TNPO1: variants seen among roughly 807,000 people sequenced by gnomAD.
TNPO1 encodes the protein transportin-1.
A neutral mutation model predicts 119.5 loss-of-function variants in TNPO1; 8 were observed. The observed-to-expected ratio is 0.07, with a 90% confidence interval of 0.04 to 0.12. The LOEUF (loss-of-function observed/expected upper bound fraction) is 0.12, where lower values mean the gene tolerates loss of function less well. Among genes scored for constraint, TNPO1 ranks in the 10% least tolerant of loss-of-function variants. The pLI is 1.00. For missense variants in TNPO1, 576 were observed against 1,089.8 expected (o/e 0.53, Z 6.64); for synonymous variants, 362 against 363.0 (o/e 1.00, Z 0.03).
Position 72,889,909 on chromosome 5 carries a change from T to C in TNPO1, c.1653T>C (p.Asp551=). The change falls in exon 14 of 25, where the codon GAT becomes GAC. Residue 551 remains aspartate, a synonymous_variant. Transcript: ENST00000337273. ...YQHKNLLILY[D]AIGTLADSVG... ...ATAAGAACCTGCTCATTCTTTACGA[T>C]GCCATAGGAACATTAGCAGATTCAG... is the stretch of plus-strand genomic sequence containing the variant. The C allele has an allele frequency of 6.2e-7, 1 of 1,613,826 alleles. No individual in the cohort carries two copies. Among genetic ancestry groups the C allele is most frequent in the Non-Finnish European group, 8.5e-7 (1 of 1,179,898 alleles).
intron 1 of TNPO1, among the ~76,000 whole-genome samples, chr5:72,832,176 T>C (rs1404552544): frequency 6.6e-6 from 1 of 152,142 alleles, no homozygotes; most frequent in African/African-American, 2.4e-5. Flanking sequence ...TTATTTCTTA[T>C]AGGTCATACT....
intron 11 of TNPO1, among the ~76,000 whole-genome samples, chr5:72,885,747 T>G (rs1163571321): frequency 6.7e-6 from 1 of 149,572 alleles, no homozygotes; most frequent in Non-Finnish European, 1.5e-5. Flanking sequence ...GGTTTGGTTT[T>G]TTTTTTTTTT....
Position 72,911,143 on chromosome 5 carries a change from A to T in TNPO1, c.*2470A>T, listed in dbSNP as rs963172491. On this transcript the variant is annotated 3_prime_UTR_variant, in exon 25 of 25. Coordinates refer to ENST00000337273, the MANE Select transcript of TNPO1 (RefSeq NM_002270.4). ...ATAGAGAGTATTTTAAATTGAAATG[A>T]CCAAATTCGATTTAAAACAAACACA... The T allele has an allele frequency of 6.6e-6, 1 of 152,066 alleles. No individual in the cohort carries two copies. The highest frequency in any genetic ancestry group is 6.6e-5 in the Admixed American group (1 of 15,254). The allele number at this position is 152,066 out of a possible 1,614,324, so 9.4% of individuals were successfully genotyped here. A position where few individuals can be genotyped will look rare whatever the true frequency, so the allele number is the denominator to read the frequency against.
chr5:72,883,261 C>T (rs1191291588), intron 11 of TNPO1, 29 bp downstream of exon 11: 1 of 1,061,386 alleles, frequency 9.4e-7, no homozygotes, highest in Non-Finnish European at 1.5e-6. Context: ...AGCACAGTTG[C>T]CTACTTTGAT....
intron 7 of TNPO1, among the ~76,000 whole-genome samples, chr5:72,873,828 A>G (rs1225721859): frequency 6.6e-6 from 1 of 152,244 alleles, no homozygotes; most frequent in African/African-American, 2.4e-5. Flanking sequence ...TTGGATTGTT[A>G]TAAACCTAGT....
At chr5:72,891,703 A>G in intron 14 of TNPO1, 107 bp from the exon 15 acceptor site, 1 of 808,472 alleles carries the variant, frequency 1.2e-6, no homozygotes, top group East Asian at 2.5e-5. Context: ...GCCTTTTGTA[A>G]TGATTTTACA....
At chr5:72,900,788 G>T (rs1393658254) in intron 21 of TNPO1, 186 bp from the exon 22 acceptor site, 2 of 400,532 alleles carry the variant, frequency 5.0e-6, no homozygotes, top group African/African-American at 4.1e-5. Flanking sequence ...TGTTTCTACT[G>T]TATTGAGATA....
chr5:72,852,617 T>G (rs954571918), intron 3 of TNPO1, among the ~76,000 whole-genome samples: 1 of 152,244 alleles, frequency 6.6e-6, no homozygotes, highest in African/African-American at 2.4e-5. Flanking sequence ...TAACAAGGTT[T>G]AGACAACCAG....
chr5:72,872,813 CAAG>C, intron 7 of TNPO1, 93 bp downstream of exon 7: 3 of 633,990 alleles, frequency 4.7e-6, no homozygotes, highest in South Asian at 2.8e-5. Flanking sequence ...TGCTTTAAAA[CAAG>C]AATCATTTAT....
intron 6 of TNPO1, among the ~76,000 whole-genome samples, chr5:72,869,191 T>C (rs1012752541): frequency 2.6e-5 from 4 of 152,150 alleles, no homozygotes; most frequent in Admixed American, 1.3e-4. Flanking sequence ...TTATATTATG[T>C]CCCAGAATGG....
rs1042042442 is a variant in TNPO1, at chr5:72,885,477, G to A, written c.1151-1593G>A. Among the ~76,000 whole-genome samples the A allele has an allele frequency of 5.9e-5, 9 of 152,316 alleles. No individual in the cohort carries two copies. In the South Asian group the frequency reaches 6.2e-4, roughly 11 times the overall value. ...TATCCTTCCAAAAGCTTTTCTGTGC[G>A]TGCTTGGGAAAACATACAGGCATCT... On this transcript the variant is annotated intron_variant, in intron 11 of 24. Coordinates refer to ENST00000337273, the MANE Select transcript of TNPO1 (RefSeq NM_002270.4).
chr5:72,867,350 G>A (rs2112341658), intron 6 of TNPO1, among the ~76,000 whole-genome samples: 1 of 151,520 alleles, frequency 6.6e-6, no homozygotes, highest in East Asian at 1.9e-4. Flanking sequence ...CCTTATTAAT[G>A]TAGTTTAACT....
rs760028244 is a variant in TNPO1 at position 72,889,930 on chromosome 5, T to A, written c.1674T>A (p.Asp558Glu). The A allele has an allele frequency of 3.1e-6, 5 of 1,613,524 alleles. No individual in the cohort carries two copies. The highest frequency in any genetic ancestry group is 4.2e-6 in the Non-Finnish European group (5 of 1,179,808). ...ACGATGCCATAGGAACATTAGCAGA[T>A]TCAGTAGGACATCATTTAAACAAAC... ...ILYDAIGTLADSVGHHLNKPE... is the reference protein window; with the variant it reads ...ILYDAIGTLAESVGHHLNKPE... The change falls in exon 14 of 25, where the codon GAT becomes GAA. Residue 558 changes from aspartate (D) to glutamate (E), a missense_variant. Asp to Glu is a conservative substitution (Grantham distance 45). This residue lies in a region of TNPO1 where 23 missense variants were observed against 105.8 expected (regional missense o/e 0.22). Coordinates refer to ENST00000337273, the MANE Select transcript of TNPO1 (RefSeq NM_002270.4).
At chr5:72,878,227 T>A (rs1747956561) in intron 9 of TNPO1, among the ~76,000 whole-genome samples, 1 of 152,156 alleles carries the variant, frequency 6.6e-6, no homozygotes. Flanking sequence ...TAAATAATCC[T>A]GGAGTGAATA....
intron 22 of TNPO1, among the ~76,000 whole-genome samples, chr5:72,902,893 CTT>C (rs1400019988): frequency 6.6e-6 from 1 of 152,010 alleles, no homozygotes; most frequent in Admixed American, 6.5e-5. Flanking sequence ...TTAAGCAAAT[CTT>C]TTTTGCTTAA....
intron 12 of TNPO1, 85 bp from the exon 13 acceptor site, chr5:72,887,993 T>C (rs1199440731): frequency 7.8e-7 from 1 of 1,278,972 alleles, no homozygotes; most frequent in Non-Finnish European, 1.1e-6. Flanking sequence ...CTGAATTTTT[T>C]CATAGATACG....
chr5:72,879,311 AC>A (rs1215190014), intron 9 of TNPO1: 3 of 154,386 alleles, frequency 1.9e-5, no homozygotes, highest in Non-Finnish European at 4.3e-5. Flanking sequence ...CTATGCTATA[AC>A]AAACCTATGC....
intron 5 of TNPO1, among the ~76,000 whole-genome samples, chr5:72,864,020 A>T (rs1446542745): frequency 6.6e-6 from 1 of 152,188 alleles, no homozygotes; most frequent in Non-Finnish European, 1.5e-5. Context: ...GTGGTTTTCC[A>T]GATGTTGGTA....
chr5:72,892,628 A>G (rs530150812), intron 15 of TNPO1, among the ~76,000 whole-genome samples: 2 of 152,352 alleles, frequency 1.3e-5, no homozygotes, highest in South Asian at 2.1e-4. Flanking sequence ...CAAGTCCCTT[A>G]TATAAAATGA....
Sources: gnomAD v4.1 joint callset for allele counts (sites outside exome capture counted in the v4.1 genomes callset) on GRCh38, gnomAD v4.1.1 for gene constraint, gnomAD v4.1.1 regional missense constraint, MANE v1.5 for transcripts, NCBI Gene and HGNC (gene_info 2026-07-23, HGNC 2026-07-21) for gene names.